MITF: variants seen among roughly 807,000 people sequenced by gnomAD.
MITF encodes the protein microphthalmia-associated transcription factor.
MITF carries 17 observed loss-of-function variants against 60.5 expected under a neutral mutation model. That is an observed-to-expected ratio of 0.28 (90% CI 0.19 to 0.42). The LOEUF (loss-of-function observed/expected upper bound fraction) is 0.42. Among genes scored for constraint, MITF ranks in the 10% least tolerant of loss-of-function variants. MITF has a pLI of 1.00. For synonymous variants in MITF, 260 were observed against 248.5 expected, an observed-to-expected ratio of 1.05 and a Z score of -0.43; for missense variants, 622 against 683.5, an observed-to-expected ratio of 0.91 and a Z score of 1.00.
At chr3:69,838,472 A>G (rs746922348) in intron 1 of MITF, 1 of 152,648 alleles carries the variant, frequency 6.6e-6, no homozygotes, top group Non-Finnish European at 1.5e-5. Context: ...GTACATTTGC[A>G]GAAGTTCTTT....
chr3:69,791,857 G>T (rs1389599515), intron 1 of MITF, among the ~76,000 whole-genome samples: 1 of 152,182 alleles, frequency 6.6e-6, no homozygotes, highest in Non-Finnish European at 1.5e-5. Flanking sequence ...TTTCATTGGT[G>T]CAGTAGAACT....
At chr3:69,804,246 C>G (rs2062969470) in intron 1 of MITF, among the ~76,000 whole-genome samples, 1 of 151,850 alleles carries the variant, frequency 6.6e-6, no homozygotes, top group Non-Finnish European at 1.5e-5. Context: ...TGTTAGATTT[C>G]TCTTCTCTTC....
chr3:69,961,883 C>T (rs1055399249), intron 9 of MITF, among the ~76,000 whole-genome samples: 7 of 152,280 alleles, frequency 4.6e-5, no homozygotes, highest in African/African-American at 1.7e-4. Context: ...GAAATATGTG[C>T]ATTGGAAATT....
At chr3:69,859,892 G>T (rs2063982962) in intron 1 of MITF, among the ~76,000 whole-genome samples, 1 of 152,102 alleles carries the variant, frequency 6.6e-6, no homozygotes, top group Non-Finnish European at 1.5e-5. Flanking sequence ...CTGATGTGGA[G>T]ATTTTATTTA....
chr3:69,754,925 T>TG (rs936258627), intron 1 of MITF, among the ~76,000 whole-genome samples: 1 of 150,794 alleles, frequency 6.6e-6, no homozygotes, highest in Non-Finnish European at 1.5e-5. Flanking sequence ...GTGTGGGGGT[T>TG]GGGGGGAGAG....
chr3:69,966,637 A>G lies in MITF; in HGVS notation c.*1389A>G, dbSNP rs995905536. 5.1e-5 allele frequency: 12 copies of G among 233,048 alleles called. No homozygotes were observed. Among genetic ancestry groups the G allele is most frequent in the African/African-American group, 2.2e-4 (10 of 45,338 alleles). The allele number at this position is 233,048 out of a possible 1,614,324, so 14.4% of individuals were successfully genotyped here. ...TGATAACAATGTTTTAACAAGAAGC[A>G]ATGTTATAAAGTTAGTTTCAGTGCA... On this transcript the variant is annotated 3_prime_UTR_variant, in exon 10 of 10. Coordinates refer to ENST00000352241, the MANE Select transcript of MITF (RefSeq NM_001354604.2).
chr3:69,890,893 G>C (rs1436399673), intron 2 of MITF, among the ~76,000 whole-genome samples: 2 of 152,074 alleles, frequency 1.3e-5, no homozygotes, highest in African/African-American at 4.8e-5. Context: ...ATAATACTAA[G>C]AGCCTATAAA....
At chr3:69,765,544 A>G (rs1056630584) in intron 1 of MITF, among the ~76,000 whole-genome samples, 1 of 152,220 alleles carries the variant, frequency 6.6e-6, no homozygotes, top group Non-Finnish European at 1.5e-5. Flanking sequence ...TTTTCCCACA[A>G]ATTAATTTCC....
chr3:69,801,322 CAACTT>C (rs2062916110), intron 1 of MITF, among the ~76,000 whole-genome samples: 1 of 152,102 alleles, frequency 6.6e-6, no homozygotes, highest in African/African-American at 2.4e-5. Context: ...TAAAATTACT[CAACTT>C]GGATTGAAGT....
chr3:69,874,494 T>C (rs2064308824), intron 1 of MITF, among the ~76,000 whole-genome samples: 1 of 152,248 alleles, frequency 6.6e-6, no homozygotes, highest in South Asian at 2.1e-4. Context: ...TTTCTATCTA[T>C]TAAAAATTTT....
intron 1 of MITF, among the ~76,000 whole-genome samples, chr3:69,752,940 A>G (rs917764380): frequency 6.6e-6 from 1 of 152,220 alleles, no homozygotes; most frequent in South Asian, 2.1e-4. Flanking sequence ...TTTTCTGGGA[A>G]GTAATTCAAG....
At chr3:69,929,592 GT>G (rs2065671117) in intron 2 of MITF, among the ~76,000 whole-genome samples, 3 of 151,918 alleles carry the variant, frequency 2.0e-5, no homozygotes, top group Admixed American at 2.0e-4. Flanking sequence ...CAAATACTTT[GT>G]TTTTGTTTTT....
At chr3:69,873,571 G>C (rs1471402948) in intron 1 of MITF, among the ~76,000 whole-genome samples, 1 of 152,076 alleles carries the variant, frequency 6.6e-6, no homozygotes, top group African/African-American at 2.4e-5. Flanking sequence ...TTTTTGTTTG[G>C]TCTCATAGCC....
chr3:69,759,925 C>T (rs1428810698), intron 1 of MITF, among the ~76,000 whole-genome samples: 1 of 152,114 alleles, frequency 6.6e-6, no homozygotes, highest in East Asian at 1.9e-4. Flanking sequence ...CTACAGGCAC[C>T]CGCCACCACA....
At chr3:69,871,678 T>C (rs1279043201) in intron 1 of MITF, among the ~76,000 whole-genome samples, 2 of 152,208 alleles carry the variant, frequency 1.3e-5, no homozygotes, top group East Asian at 3.8e-4. Flanking sequence ...AATTGTTAAG[T>C]GATGGTGGTC....
chr3:69,953,647 GTA>G lies in MITF; in HGVS notation c.955+1776_955+1777del, dbSNP rs773463461. Reference sequence around the variant, plus strand: ...TATGTGTGTATATATATATATGTATGTATATATATATATATAGAGAGAGAGAG... The same window carrying G: ...TATGTGTGTATATATATATATGTATGTATATATATATATAGAGAGAGAGAG... On this transcript the variant is annotated intron_variant, in intron 7 of 9. Transcript: ENST00000352241. Among the ~76,000 whole-genome samples the G allele has an allele frequency of 8.0e-3, 1,131 of 140,576 alleles. 2 individuals carry two copies. Among genetic ancestry groups the G allele is most frequent in the Non-Finnish European group, 0.01 (673 of 64,854 alleles). 92.2% of individuals were successfully genotyped at this position (140,576 alleles called of 152,430 possible).
chr3:69,783,947 A>G (rs1413614958), intron 1 of MITF, among the ~76,000 whole-genome samples: 1 of 152,198 alleles, frequency 6.6e-6, no homozygotes, highest in Non-Finnish European at 1.5e-5. Context: ...ATAAAGATTC[A>G]ACTTAATTTT....
intron 1 of MITF, among the ~76,000 whole-genome samples, chr3:69,828,438 C>G (rs371415152): frequency 2.0e-5 from 3 of 152,046 alleles, no homozygotes; most frequent in East Asian, 3.9e-4. Flanking sequence ...GGATGATTCT[C>G]AAGTAGATAA....
intron 1 of MITF, among the ~76,000 whole-genome samples, chr3:69,851,670 A>C (rs944185409): frequency 2.0e-5 from 3 of 152,220 alleles, no homozygotes; most frequent in African/African-American, 7.2e-5. Flanking sequence ...TGTTTTGACT[A>C]CAAAGGAGTA....
Sources: gnomAD v4.1 joint callset for allele counts (sites outside exome capture counted in the v4.1 genomes callset) on GRCh38, gnomAD v4.1.1 for gene constraint, MANE v1.5 for transcripts, NCBI Gene and HGNC (gene_info 2026-07-23, HGNC 2026-07-21) for gene names.